Variants in C12orf42 observed in about 807,000 individuals in gnomAD.
C12orf42 encodes the protein chromosome 12 open reading frame 42.
C12orf42 carries 25 observed loss-of-function variants against 21.6 expected under a neutral mutation model. The ratio of observed to expected loss-of-function variants is 1.16; its 90% CI spans 0.84 to 1.62. The LOEUF is 1.62. Ranked by LOEUF, C12orf42 falls within the 40% of genes most tolerant of loss-of-function variation. C12orf42 has a pLI of 0.00. For missense variants in C12orf42, 483 were observed against 459.3 expected, an observed-to-expected ratio of 1.05 and a Z score of -0.47; for synonymous variants, 174 against 175.0, an observed-to-expected ratio of 0.99 and a Z score of 0.05.
chr12:103,500,316 C>T (rs761254495), upstream of C12orf42, among the ~76,000 whole-genome samples: 26 of 150,442 alleles, frequency 1.7e-4, no homozygotes, highest in Middle Eastern at 3.2e-3. Flanking sequence ...TTTTGACCAA[C>T]GATCAAAACC....
chr12:103,344,617 T>G (rs979076455), intron 4 of C12orf42, among the ~76,000 whole-genome samples: 2 of 152,146 alleles, frequency 1.3e-5, no homozygotes, highest in Non-Finnish European at 2.9e-5. Context: ...CTGGGATTGA[T>G]TGGATCAATT....
intron 2 of C12orf42, among the ~76,000 whole-genome samples, chr12:103,469,685 G>C (rs1394635568): frequency 6.6e-6 from 1 of 152,166 alleles, no homozygotes; most frequent in South Asian, 2.1e-4. Flanking sequence ...TAGATTCTCA[G>C]AAGGGATAAG....
chr12:103,224,361 G>A, the C12orf42 span, among the ~76,000 whole-genome samples: 1 of 152,210 alleles, frequency 6.6e-6, no homozygotes, highest in African/African-American at 2.4e-5. Context: ...CTAAGAGGCG[G>A]GCTAGTGGCT....
intron 4 of C12orf42, among the ~76,000 whole-genome samples, chr12:103,365,597 C>T (rs1036618929): frequency 5.9e-5 from 9 of 151,988 alleles, no homozygotes; most frequent in Non-Finnish European, 1.5e-5. Flanking sequence ...CTTTAGAAAG[C>T]TCCTAGAACT....
At chr12:103,309,682 G>A (rs1159860335) in intron 4 of C12orf42, among the ~76,000 whole-genome samples, 2 of 152,190 alleles carry the variant, frequency 1.3e-5, no homozygotes, top group East Asian at 3.9e-4. Flanking sequence ...GGAACTGGTA[G>A]GTGTGAAATG....
chr12:103,458,350 C>T (rs894138897), intron 2 of C12orf42, among the ~76,000 whole-genome samples: 1 of 151,842 alleles, frequency 6.6e-6, no homozygotes, highest in African/African-American at 2.4e-5. Flanking sequence ...AGTACTTTTC[C>T]AAGAATTCTC....
At chr12:103,512,774 C>T in the C12orf42 span, among the ~76,000 whole-genome samples, 20 of 152,056 alleles carry the variant, frequency 1.3e-4, no homozygotes, top group African/African-American at 3.9e-4. Flanking sequence ...GAAGCCAAGG[C>T]GGGTGGATCA....
the C12orf42 span, among the ~76,000 whole-genome samples, chr12:103,125,508 G>A: frequency 1.3e-5 from 2 of 152,066 alleles, no homozygotes; most frequent in Admixed American, 1.3e-4. Context: ...GAAAATCTGC[G>A]CATTTTTTTA....
chr12:103,184,100 A>C, the C12orf42 span, among the ~76,000 whole-genome samples: 1 of 152,224 alleles, frequency 6.6e-6, no homozygotes, highest in Non-Finnish European at 1.5e-5. Flanking sequence ...TTCTATAACC[A>C]AGCTTATTTT....
At chr12:103,399,753 G>A (rs978244972) in intron 3 of C12orf42, among the ~76,000 whole-genome samples, 3 of 151,934 alleles carry the variant, frequency 2.0e-5, no homozygotes, top group Non-Finnish European at 4.4e-5. Flanking sequence ...GTTGCTTTTA[G>A]TATCTGACTA....
At chr12:103,407,323 T>C (rs1236616558) in intron 2 of C12orf42, among the ~76,000 whole-genome samples, 1 of 152,180 alleles carries the variant, frequency 6.6e-6, no homozygotes, top group Non-Finnish European at 1.5e-5. Flanking sequence ...AAAAATACAG[T>C]AGACCTTTGA....
Position 103,306,847 on chromosome 12 carries a change from C to T in C12orf42, c.260-502G>A, listed in dbSNP as rs181013283. 9.2e-5 allele frequency among the ~76,000 whole-genome samples: 14 copies of T among 152,232 alleles called. No individual in the cohort carries two copies. The East Asian group carries it at 2.3e-3, about 25-fold the overall frequency. ...ATTCTGGATTAGGGTGAGCCATAAT[C>T]TAATAAGACTGGAGTCCTTATAAGA... On this transcript the variant is annotated intron_variant, in intron 4 of 5. Transcript: ENST00000548883.
the C12orf42 span, among the ~76,000 whole-genome samples, chr12:103,089,898 AG>A: frequency 6.6e-6 from 1 of 152,206 alleles, no homozygotes; most frequent in Non-Finnish European, 1.5e-5. Context: ...ATTGAAAGAC[AG>A]TTACCTGGAA....
chr12:103,108,064 ATCATATAAATT>A, the C12orf42 span, among the ~76,000 whole-genome samples: 1 of 151,428 alleles, frequency 6.6e-6, no homozygotes. Context: ...ATTTTTAATC[ATCATATAAATT>A]TAATCTACCA....
At chr12:103,393,970 C>T (rs2047299598) in intron 3 of C12orf42, among the ~76,000 whole-genome samples, 2 of 152,198 alleles carry the variant, frequency 1.3e-5, no homozygotes, top group Non-Finnish European at 2.9e-5. Context: ...ATCCTCATAT[C>T]ATTTCCATAG....
intron 2 of C12orf42, among the ~76,000 whole-genome samples, chr12:103,436,367 C>T (rs1353217514): frequency 2.7e-5 from 4 of 150,924 alleles, no homozygotes; most frequent in South Asian, 2.1e-4. Context: ...CACTAGCTAA[C>T]ATCATAATGA....
rs546035478 is a variant in C12orf42, at chr12:103,344,710, G to C, written c.259+24177C>G. 2.7e-4 allele frequency among the ~76,000 whole-genome samples: 41 copies of C among 152,296 alleles called. 1 individual carries two copies. Among genetic ancestry groups the C allele is most frequent in the African/African-American group, 9.4e-4 (39 of 41,568 alleles). On this transcript the variant is annotated intron_variant, in intron 4 of 5. Coordinates refer to ENST00000548883, the MANE Select transcript of C12orf42 (RefSeq NM_198521.5). ...GAAAGTCTGGTGACCTGGGAGACAA[G>C]GGCACATTTTGGGCTGCCTATGATC...
chr12:103,057,481 T>C, the C12orf42 span, among the ~76,000 whole-genome samples: 4 of 152,190 alleles, frequency 2.6e-5, no homozygotes, highest in African/African-American at 9.7e-5. Flanking sequence ...ATTACTTTGC[T>C]GAGAATGATG....
At chr12:103,554,248 G>C in the C12orf42 span, among the ~76,000 whole-genome samples, 4 of 151,994 alleles carry the variant, frequency 2.6e-5, no homozygotes, top group African/African-American at 9.7e-5. Flanking sequence ...AGATATAAAT[G>C]ACATTTGGCC....
Sources: allele counts gnomAD v4.1 joint callset (sites outside exome capture counted in the v4.1 genomes callset), GRCh38; gene constraint gnomAD v4.1.1; transcripts MANE v1.5; gene names NCBI Gene and HGNC (gene_info 2026-07-23, HGNC 2026-07-21).